Variants in MACROD2 observed in about 807,000 individuals in gnomAD.
MACROD2 encodes the protein mono-ADP ribosylhydrolase 2.
A neutral mutation model predicts 70.4 loss-of-function variants in MACROD2; 36 were observed. That is an observed-to-expected ratio of 0.51 (90% CI 0.39 to 0.68). MACROD2 has a LOEUF of 0.68. MACROD2 is among the 30% of genes least tolerant of loss of function. The probability of loss-of-function intolerance (pLI) is 0.00; values close to 1 mark genes in which losing one functional copy is unlikely to be tolerated. For synonymous variants in MACROD2, 172 were observed against 178.8 expected, an observed-to-expected ratio of 0.96 and a Z score of 0.30; for missense variants, 496 against 538.4, an observed-to-expected ratio of 0.92 and a Z score of 0.78.
intron 5 of MACROD2, among the ~76,000 whole-genome samples, chr20:14,911,154 G>A (rs187217109): frequency 1.3e-5 from 2 of 152,204 alleles, no homozygotes; most frequent in African/African-American, 4.8e-5. Flanking sequence ...ACTTGAAGGT[G>A]TCTGGTCCCA....
At chr20:15,108,587 A>G (rs533597104) in intron 5 of MACROD2, among the ~76,000 whole-genome samples, 1 of 152,236 alleles carries the variant, frequency 6.6e-6, no homozygotes, top group East Asian at 1.9e-4. Flanking sequence ...TTTTACTGCC[A>G]CTAATCTAGT....
Position 14,207,333 on chromosome 20 carries a change from C to T in MACROD2, c.271+121605C>T, listed in dbSNP as rs537902563. 7.2e-5 allele frequency among the ~76,000 whole-genome samples: 11 copies of T among 152,260 alleles called. No individual in the cohort carries two copies. In the East Asian group the frequency reaches 1.7e-3, roughly 24 times the overall value. The stretch of plus-strand genomic sequence containing the variant: ...GCCAGGATGGTCTCGATCTCTTGAC[C>T]TCGTGGTCCGCCCGTCTTGGCCTCC... On this transcript the variant is annotated intron_variant, in intron 3 of 17. Transcript: ENST00000684519.
intron 5 of MACROD2, among the ~76,000 whole-genome samples, chr20:14,953,595 G>A (rs2074493446): frequency 6.6e-6 from 1 of 152,098 alleles, no homozygotes; most frequent in South Asian, 2.1e-4. Context: ...GTAAGCCACC[G>A]TGCCCGGCCT....
At chr20:14,047,838 A>G (rs1453938806) in intron 2 of MACROD2, among the ~76,000 whole-genome samples, 1 of 152,202 alleles carries the variant, frequency 6.6e-6, no homozygotes, top group Non-Finnish European at 1.5e-5. Flanking sequence ...AAATGGTAGA[A>G]TAAATTTGTT....
intron 12 of MACROD2, among the ~76,000 whole-genome samples, chr20:15,966,158 GAAAC>G (rs2066137392): frequency 6.6e-6 from 1 of 152,106 alleles, no homozygotes; most frequent in Non-Finnish European, 1.5e-5. Context: ...AAATGAAAAG[GAAAC>G]AAACAAAGAA....
chr20:15,408,381 A>G (rs1351665479), intron 6 of MACROD2, among the ~76,000 whole-genome samples: 2 of 152,178 alleles, frequency 1.3e-5, no homozygotes. Context: ...CAGCCTTGGT[A>G]GTATTCACTT....
At chr20:15,058,827 T>C (rs1377027308) in intron 5 of MACROD2, among the ~76,000 whole-genome samples, 1 of 152,206 alleles carries the variant, frequency 6.6e-6, no homozygotes, top group African/African-American at 2.4e-5. Flanking sequence ...AAAAATTATA[T>C]CAGTACCTAC....
chr20:14,657,207 T>A (rs375856916), intron 4 of MACROD2, among the ~76,000 whole-genome samples: 6 of 152,238 alleles, frequency 3.9e-5, no homozygotes, highest in Non-Finnish European at 7.3e-5. Flanking sequence ...CAAAATATAA[T>A]CTAATAAGTT....
chr20:14,953,157 T>G (rs933355826), intron 5 of MACROD2, among the ~76,000 whole-genome samples: 3 of 152,116 alleles, frequency 2.0e-5, no homozygotes, highest in Non-Finnish European at 4.4e-5. Flanking sequence ...AAAATGCAGA[T>G]AAACTGAACC....
intron 15 of MACROD2, among the ~76,000 whole-genome samples, chr20:16,038,324 A>G (rs1372136302): frequency 6.6e-6 from 1 of 151,906 alleles, no homozygotes; most frequent in African/African-American, 2.4e-5. Context: ...AAATTATCAG[A>G]CATTATCTCT....
intron 8 of MACROD2, among the ~76,000 whole-genome samples, chr20:15,812,304 G>A (rs2063829548): frequency 1.3e-5 from 2 of 152,050 alleles, no homozygotes; most frequent in African/African-American, 4.8e-5. Flanking sequence ...TGATATTTGG[G>A]GCTGTCTAGA....
intron 6 of MACROD2, among the ~76,000 whole-genome samples, chr20:15,284,983 A>G (rs1318219243): frequency 6.6e-6 from 1 of 152,208 alleles, no homozygotes; most frequent in Non-Finnish European, 1.5e-5. Context: ...AGTCTGTCAT[A>G]TTTTAACACT....
chr20:14,659,637 G>A (rs1352803626), intron 4 of MACROD2, among the ~76,000 whole-genome samples: 2 of 152,078 alleles, frequency 1.3e-5, no homozygotes, highest in Non-Finnish European at 1.5e-5. Context: ...AGTTCTGTGT[G>A]GGCCTAAACA....
rs2074375971 is a variant in MACROD2, at chr20:14,940,042, T to C, written c.418+255083T>C. 4.6e-5 allele frequency among the ~76,000 whole-genome samples: 7 copies of C among 151,098 alleles called. No individual in the cohort carries two copies. The South Asian group carries it at 1.5e-3, about 31-fold the overall frequency. On this transcript the variant is annotated intron_variant, in intron 5 of 17. Coordinates refer to ENST00000684519, the MANE Select transcript of MACROD2 (RefSeq NM_001351661.2). ...TTCCTAAGTACAAGATCATGTCGTC[T>C]GTATATAGGAAATCCTAAATCAAAA...
chr20:15,570,433 G>T (rs2048362651), intron 8 of MACROD2, among the ~76,000 whole-genome samples: 1 of 152,122 alleles, frequency 6.6e-6, no homozygotes, highest in Non-Finnish European at 1.5e-5. Flanking sequence ...GGGGGACGGA[G>T]AATAGAATGA....
chr20:14,513,238 T>C (rs2085050704), intron 4 of MACROD2, among the ~76,000 whole-genome samples: 1 of 152,152 alleles, frequency 6.6e-6, no homozygotes. Flanking sequence ...TAAAGTTATC[T>C]TAGAGACTTC....
chr20:15,320,439 A>G (rs2077862384), intron 6 of MACROD2, among the ~76,000 whole-genome samples: 1 of 152,190 alleles, frequency 6.6e-6, no homozygotes, highest in Admixed American at 6.5e-5. Flanking sequence ...AAAAGTAAAC[A>G]CAATACATGT....
At chr20:15,933,740 G>C (rs531904700) in intron 11 of MACROD2, among the ~76,000 whole-genome samples, 1 of 152,198 alleles carries the variant, frequency 6.6e-6, no homozygotes, top group Non-Finnish European at 1.5e-5. Flanking sequence ...ACAGTGAGTA[G>C]AATGTTCTTT....
At chr20:15,789,164 G>T (rs1394290423) in intron 8 of MACROD2, among the ~76,000 whole-genome samples, 1 of 152,162 alleles carries the variant, frequency 6.6e-6, no homozygotes, top group East Asian at 1.9e-4. Flanking sequence ...TCTAGCCACA[G>T]CGAACAAGCA....
Sources: allele counts gnomAD v4.1 joint callset (sites outside exome capture counted in the v4.1 genomes callset), GRCh38; gene constraint gnomAD v4.1.1; transcripts MANE v1.5; gene names NCBI Gene and HGNC (gene_info 2026-07-23, HGNC 2026-07-21).